Variants in TENM1 observed in about 807,000 individuals in gnomAD.
The protein encoded by TENM1 is teneurin-1.
Under a neutral mutation model 174.8 loss-of-function variants are expected in TENM1, and 35 were observed. That is an observed-to-expected ratio of 0.20 (90% CI 0.15 to 0.27). The LOEUF (loss-of-function observed/expected upper bound fraction) is 0.27, where lower values mean the gene tolerates loss of function less well. Ranked by LOEUF, TENM1 falls within the 10% of genes least tolerant of loss-of-function variation. The pLI is 1.00. For synonymous variants in TENM1, 781 were observed against 798.7 expected, an observed-to-expected ratio of 0.98 and a Z score of 0.37; for missense variants, 1,633 against 2,130.1, an observed-to-expected ratio of 0.77 and a Z score of 4.59.
intron 3 of TENM1, among the ~76,000 whole-genome samples, chrX:124,837,116 T>A (rs767695552): frequency 8.9e-6 from 1 of 112,542 alleles, no homozygotes; most frequent in South Asian, 3.7e-4. Flanking sequence ...GAGACAGAGT[T>A]TCACTCTTGT....
At chrX:124,583,427 G>C (rs1056313989) in intron 11 of TENM1, among the ~76,000 whole-genome samples, 1 of 112,112 alleles carries the variant, frequency 8.9e-6, no homozygotes, top group Non-Finnish European at 1.9e-5. Context: ...GGCAAACAGG[G>C]TCTGGAGTGG....
the TENM1 span, among the ~76,000 whole-genome samples, chrX:125,052,240 T>A: frequency 9.0e-6 from 1 of 111,292 alleles, no homozygotes; most frequent in Non-Finnish European, 1.9e-5. Context: ...TTGGAAGTAA[T>A]CAGTGAAGCA....
intron 23 of TENM1, among the ~76,000 whole-genome samples, chrX:124,447,563 C>T (rs1296226330): frequency 8.9e-6 from 1 of 112,211 alleles, no homozygotes; most frequent in Non-Finnish European, 1.9e-5. Context: ...ATCAAAGGTA[C>T]TCTTATCAGA....
intron 6 of TENM1, among the ~76,000 whole-genome samples, chrX:124,662,121 T>G (rs1323523772): frequency 9.0e-6 from 1 of 110,983 alleles, no homozygotes; most frequent in Non-Finnish European, 1.9e-5. Context: ...TTACTCATAC[T>G]CGGTGTCTCC....
chrX:124,380,591 G>T, exon 32 of TENM1: 1 of 1,210,842 alleles, frequency 8.3e-7, no homozygotes, highest in Non-Finnish European at 1.1e-6. Context: ...GGCACTGTCA[G>T]AAAGTTCTAA....
intron 20 of TENM1, among the ~76,000 whole-genome samples, chrX:124,494,673 C>A (rs1261450837): frequency 1.9e-5 from 2 of 106,102 alleles, no homozygotes; most frequent in South Asian, 4.4e-4. Flanking sequence ...TTCCCCCACC[C>A]CACAACAGTC....
the TENM1 span, among the ~76,000 whole-genome samples, chrX:125,139,857 CGG>C: frequency 0.026 from 1,905 of 72,099 alleles, 103 homozygotes; most frequent in Admixed American, 0.18. Flanking sequence ...CACACACACA[CGG>C]AGAGAGAGAG....
intron 5 of TENM1, 109 bp downstream of exon 8, chrX:124,704,904 G>A: frequency 5.5e-6 from 3 of 549,145 alleles, no homozygotes; most frequent in Non-Finnish European, 6.0e-6. Context: ...ACTAAGCCTA[G>A]GTCCAAATGT....
chrX:124,655,942 T>C (rs1268722091), intron 6 of TENM1, among the ~76,000 whole-genome samples: 1 of 112,217 alleles, frequency 8.9e-6, no homozygotes, highest in African/African-American at 3.2e-5. Context: ...GAGCTGACAA[T>C]GTCTTCAATG....
intron 11 of TENM1, among the ~76,000 whole-genome samples, chrX:124,610,398 C>A (rs1404032521): frequency 1.8e-5 from 2 of 112,002 alleles, no homozygotes; most frequent in Non-Finnish European, 3.8e-5. Context: ...TTTAAATATT[C>A]AAATTTCACT....
At chrX:124,467,033 T>A (rs5958496) in intron 22 of TENM1, among the ~76,000 whole-genome samples, 5 of 109,703 alleles carry the variant, frequency 4.6e-5, no homozygotes, top group Non-Finnish European at 7.6e-5. Context: ...ATTACCACTG[T>A]AGTCAGCTTC....
chrX:124,983,940 A>AAGTGG, the TENM1 span, among the ~76,000 whole-genome samples: 3 of 112,025 alleles, frequency 2.7e-5, no homozygotes, highest in Non-Finnish European at 3.8e-5. Context: ...GATTTGAAGG[A>AAGTGG]CAGATATATA....
chrX:125,165,516 A>T, the TENM1 span, among the ~76,000 whole-genome samples: 3 of 111,813 alleles, frequency 2.7e-5, no homozygotes, highest in African/African-American at 9.7e-5. Context: ...ATGTTCCTTG[A>T]TGTGGTGAGA....
chrX:125,087,389 T>C, the TENM1 span, among the ~76,000 whole-genome samples: 1 of 111,417 alleles, frequency 9.0e-6, no homozygotes, highest in Admixed American at 9.6e-5. Flanking sequence ...TGGTCACAAA[T>C]TGCAGATTTC....
exon 22 of TENM1, chrX:124,481,798 G>A (rs1257488355): frequency 8.3e-7 from 1 of 1,205,381 alleles, no homozygotes. Flanking sequence ...TGGTCAAAGG[G>A]AAGGCACTGA....
At chrX:125,121,483 T>C in the TENM1 span, among the ~76,000 whole-genome samples, 4 of 112,330 alleles carry the variant, frequency 3.6e-5, no homozygotes, top group Non-Finnish European at 7.5e-5. Flanking sequence ...AGCAATGTAA[T>C]TGTGGAATTT....
At chrX:124,718,764 C>T (rs1477625899) in intron 4 of TENM1, among the ~76,000 whole-genome samples, 2 of 111,825 alleles carry the variant, frequency 1.8e-5, no homozygotes, top group African/African-American at 6.5e-5. Flanking sequence ...AAAAAGTGAT[C>T]CAGCAACAAT....
chrX:124,382,517 C>CT (rs891561032), intron 31 of TENM1, among the ~76,000 whole-genome samples, 153 bp downstream of exon 34: 16 of 111,233 alleles, frequency 1.4e-4, no homozygotes, highest in South Asian at 7.5e-4. Context: ...TCTCATGGAG[C>CT]TTTTTTTATA....
At chrX:124,581,192 G>A (rs961355010) in intron 11 of TENM1, among the ~76,000 whole-genome samples, 2 of 106,123 alleles carry the variant, frequency 1.9e-5, no homozygotes, top group Admixed American at 1.0e-4. Context: ...AGTCTCCTGA[G>A]TAGCTGGGAT....
Sources: gnomAD v4.1 joint callset for allele counts (sites outside exome capture counted in the v4.1 genomes callset) on GRCh38, gnomAD v4.1.1 for gene constraint, MANE v1.5 for transcripts, NCBI Gene and HGNC (gene_info 2026-07-23, HGNC 2026-07-21) for gene names.